Variants in EFNA5 observed in about 807,000 individuals in gnomAD.
The protein encoded by EFNA5 is ephrin A5.
Under a neutral mutation model 22.9 loss-of-function variants are expected in EFNA5, and 5 were observed. The ratio of observed to expected loss-of-function variants is 0.22; its 90% confidence interval spans 0.11 to 0.46. The LOEUF is 0.46. Among genes scored for constraint, EFNA5 ranks in the 20% least tolerant of loss-of-function variants. The pLI, the probability that EFNA5 is intolerant of heterozygous loss-of-function variation, is 0.99. For missense variants in EFNA5, 237 were observed against 293.3 expected (o/e 0.81, Z 1.40); for synonymous variants, 113 against 112.2 (o/e 1.01, Z -0.04).
intron 1 of EFNA5, among the ~76,000 whole-genome samples, chr5:107,549,341 C>T (rs1748235499): frequency 6.6e-6 from 1 of 152,186 alleles, no homozygotes; most frequent in African/African-American, 2.4e-5. Context: ...AATCCTTTAA[C>T]ACAAAGCAGA....
intron 1 of EFNA5, among the ~76,000 whole-genome samples, chr5:107,622,961 C>CATTT (rs1750067919): frequency 7.8e-6 from 1 of 128,810 alleles, no homozygotes; most frequent in South Asian, 2.6e-4. Flanking sequence ...GCGGAGCTTG[C>CATTT]AGTGAGCCGA....
intron 1 of EFNA5, among the ~76,000 whole-genome samples, chr5:107,551,246 T>C (rs1228202775): frequency 6.6e-6 from 1 of 152,174 alleles, no homozygotes; most frequent in African/African-American, 2.4e-5. Context: ...CCAGGCCAAC[T>C]GGCATTAGAA....
intron 1 of EFNA5, among the ~76,000 whole-genome samples, chr5:107,607,497 G>A (rs771527062): frequency 4.6e-5 from 7 of 152,118 alleles, no homozygotes; most frequent in African/African-American, 7.2e-5. Context: ...CCTTTAAAAC[G>A]AATTATATTT....
Position 107,535,495 on chromosome 5 carries a change from G to A in EFNA5, c.126-107986C>T, listed in dbSNP as rs553499728. ...ATAAAACAAAAATTTTCAAAGAATG[G>A]AAAATAAAACTGATAAGATTAATCA... is the stretch of plus-strand genomic sequence containing the variant. On this transcript the variant is annotated intron_variant, in intron 1 of 4. Transcript: ENST00000333274. Among the ~76,000 whole-genome samples the A allele has an allele frequency of 2.2e-4, 34 of 151,772 alleles. 1 individual carries two copies. The East Asian group carries it at 6.0e-3, about 27-fold the overall frequency.
chr5:107,617,237 CAGAGAGAG>C (rs35218587), intron 1 of EFNA5, among the ~76,000 whole-genome samples: 1 of 144,458 alleles, frequency 6.9e-6, no homozygotes, highest in Non-Finnish European at 1.5e-5. Context: ...CACACACACA[CAGAGAGAG>C]AGAGAGAGAG....
intron 1 of EFNA5, among the ~76,000 whole-genome samples, chr5:107,662,743 T>C (rs1014834140): frequency 6.7e-6 from 1 of 149,440 alleles, no homozygotes; most frequent in Non-Finnish European, 1.5e-5. Flanking sequence ...CCTATACTCT[T>C]ATCAGTACCT....
intron 1 of EFNA5, among the ~76,000 whole-genome samples, chr5:107,550,301 A>G (rs917375036): frequency 1.3e-5 from 2 of 152,250 alleles, no homozygotes; most frequent in African/African-American, 4.8e-5. Context: ...TTCTATTTTA[A>G]TATGATTGAA....
In EFNA5 at chr5:107,507,117, TA is replaced by T. The variant is rs796785219; in HGVS notation, c.126-79609del. 1.5e-4 allele frequency among the ~76,000 whole-genome samples: 23 copies of T among 151,298 alleles called. No individual in the cohort carries two copies. The East Asian group carries it at 3.9e-3, about 26-fold the overall frequency. On this transcript the variant is annotated intron_variant, in intron 1 of 4. Coordinates refer to ENST00000333274, the MANE Select transcript of EFNA5 (RefSeq NM_001962.3). The stretch of plus-strand genomic sequence containing the variant: ...TCTTATATAATATGATCTGTCAAAA[TA>T]AAAAAAAACTTTTGTTCAAAAATAA...
At chr5:107,532,715 C>T (rs1337763859) in intron 1 of EFNA5, among the ~76,000 whole-genome samples, 2 of 152,204 alleles carry the variant, frequency 1.3e-5, no homozygotes, top group Admixed American at 1.3e-4. Flanking sequence ...CCCCACCTGC[C>T]ATATGGCTGT....
intron 1 of EFNA5, among the ~76,000 whole-genome samples, chr5:107,447,055 T>C (rs1275808516): frequency 6.6e-6 from 1 of 152,218 alleles, no homozygotes; most frequent in African/African-American, 2.4e-5. Flanking sequence ...CATATTTTCA[T>C]CTCTCTGACC....
At chr5:107,567,463 T>C (rs1748684175) in intron 1 of EFNA5, among the ~76,000 whole-genome samples, 1 of 152,196 alleles carries the variant, frequency 6.6e-6, no homozygotes, top group South Asian at 2.1e-4. Flanking sequence ...TGTGCATACT[T>C]TCAAGCTCTG....
intron 1 of EFNA5, among the ~76,000 whole-genome samples, chr5:107,619,616 A>G (rs1245920183): frequency 2.0e-5 from 3 of 151,806 alleles, no homozygotes; most frequent in African/African-American, 7.3e-5. Context: ...GCATGCTACC[A>G]TACCCGGCTA....
intron 1 of EFNA5, among the ~76,000 whole-genome samples, chr5:107,648,083 C>G (rs1245871145): frequency 2.0e-5 from 3 of 152,166 alleles, no homozygotes; most frequent in Non-Finnish European, 4.4e-5. Context: ...AAAAGTTTAA[C>G]TGATTTTTTG....
In EFNA5 at chr5:107,602,300, T is replaced by G. The variant is rs1001439914; in HGVS notation, c.125+68189A>C. Among the ~76,000 whole-genome samples, 4 of 152,198 alleles carry G rather than the reference T, an allele frequency of 2.6e-5. No homozygotes were observed. In the East Asian group the frequency reaches 7.7e-4, roughly 29 times the overall value. Reference sequence around the variant, plus strand: ...TTCTGAATATTGATGAGGAGTATATTGATGAGACAGAATTTGGGACTTCAT... The same window carrying G: ...TTCTGAATATTGATGAGGAGTATATGGATGAGACAGAATTTGGGACTTCAT... On this transcript the variant is annotated intron_variant, in intron 1 of 4. Transcript: ENST00000333274.
intron 1 of EFNA5, among the ~76,000 whole-genome samples, chr5:107,480,513 G>A (rs1326833969): frequency 3.9e-5 from 6 of 152,196 alleles, no homozygotes; most frequent in East Asian, 1.9e-4. Context: ...CAGGCTATAC[G>A]TAAAGCGCTG....
At position 107,664,880 on chromosome 5, in the gene EFNA5, G is replaced by A. The variant is rs373125639; in HGVS notation, c.125+5609C>T. Reference sequence around the variant, plus strand: ...AATATAGAATCGTCAACACAGAGTCGTTCATTATTTCAAACAAAATATCAC... The same window carrying A: ...AATATAGAATCGTCAACACAGAGTCATTCATTATTTCAAACAAAATATCAC... On this transcript the variant is annotated intron_variant, in intron 1 of 4. Coordinates refer to ENST00000333274, the MANE Select transcript of EFNA5 (RefSeq NM_001962.3). Among the ~76,000 whole-genome samples, 11 of 152,186 alleles carry A rather than the reference G, an allele frequency of 7.2e-5. No homozygotes were observed. In the East Asian group the frequency reaches 9.7e-4, roughly 13 times the overall value.
At chr5:107,560,541 G>A (rs935449650) in intron 1 of EFNA5, among the ~76,000 whole-genome samples, 5 of 152,072 alleles carry the variant, frequency 3.3e-5, no homozygotes, top group South Asian at 4.2e-4. Flanking sequence ...CATCTCCCCC[G>A]TGCCGCTGTG....
At chr5:107,467,032 C>A (rs1750006175) in intron 1 of EFNA5, among the ~76,000 whole-genome samples, 1 of 152,086 alleles carries the variant, frequency 6.6e-6, no homozygotes, top group Non-Finnish European at 1.5e-5. Flanking sequence ...GAAAACCAAT[C>A]TTTAGAAGAT....
chr5:107,387,759 G>A lies in EFNA5; in HGVS notation c.431C>T (p.Pro144Leu), dbSNP rs771409651. 5.6e-6 allele frequency: 9 copies of A among 1,612,520 alleles called. No homozygotes were observed. Among genetic ancestry groups the A allele is most frequent in the Non-Finnish European group, 7.6e-6 (9 of 1,178,924 alleles). The change falls in exon 3 of 5, where the codon CCA becomes CTA. Residue 144 changes from proline to leucine, a missense_variant. Physicochemically the swap from Pro to Leu is moderately conservative, Grantham distance 98. Transcript: ENST00000333274. The part of the protein sequence containing the change: ...REYFYISSAI[P>L]DNGRRSCLKL... ...TAGACAGGACCTTCTTCCATTATCT[G>A]GGATTGCAGAGGCTGTGGGTAACAC...
Sources: gnomAD v4.1 joint callset for allele counts (sites outside exome capture counted in the v4.1 genomes callset) on GRCh38, gnomAD v4.1.1 for gene constraint, MANE v1.5 for transcripts, NCBI Gene and HGNC (gene_info 2026-07-23, HGNC 2026-07-21) for gene names.